Variants in CD109 observed in about 807,000 individuals in gnomAD.
The protein encoded by CD109 is CD109 molecule.
In CD109, 149 loss-of-function variants were observed where a neutral mutation model predicts 165.8. The observed-to-expected ratio is 0.90, with a 90% CI of 0.79 to 1.03. CD109 has a LOEUF of 1.03. CD109 is among the 50% of genes least tolerant of loss of function. CD109 has a pLI of 0.00. For synonymous variants in CD109, 585 were observed against 592.1 expected (o/e 0.99, Z 0.18); for missense variants, 1,712 against 1,677.8 (o/e 1.02, Z -0.36).
chr6:73,698,712 G>C (rs908724466), intron 2 of CD109, among the ~76,000 whole-genome samples: 4 of 152,068 alleles, frequency 2.6e-5, no homozygotes, highest in African/African-American at 9.7e-5. Context: ...GGAAGAGATG[G>C]TGTGTGTAGG....
chr6:73,808,053 T>C (rs755766128), intron 25 of CD109, 30 bp from the exon 26 acceptor site: 2 of 1,600,246 alleles, frequency 1.2e-6, no homozygotes, highest in Non-Finnish European at 1.7e-6. Flanking sequence ...TTACTCTGAA[T>C]AGTAAAAAAC....
chr6:73,715,468 G>A (rs1582050592), intron 2 of CD109, among the ~76,000 whole-genome samples: 1 of 151,316 alleles, frequency 6.6e-6, no homozygotes, highest in Non-Finnish European at 1.5e-5. Context: ...GGGAGGCTGA[G>A]GCAGGAAGAT....
At chr6:73,682,510 A>C in the CD109 span, among the ~76,000 whole-genome samples, 1 of 152,060 alleles carries the variant, frequency 6.6e-6, no homozygotes, top group South Asian at 2.1e-4. Context: ...GGCTGCTTTC[A>C]CTGGATGATG....
chr6:73,799,815 G>A (rs148114841), intron 23 of CD109, among the ~76,000 whole-genome samples: 83 of 150,912 alleles, frequency 5.5e-4, no homozygotes, highest in African/African-American at 1.9e-3. Flanking sequence ...CTCCTTTTGC[G>A]AAAATAAATG....
rs932143282 is a variant in CD109, at chr6:73,824,752, C to T, written c.*1119C>T. On this transcript the variant is annotated 3_prime_UTR_variant, in exon 33 of 33. Coordinates refer to ENST00000287097, the MANE Select transcript of CD109 (RefSeq NM_133493.5). ...CTCAATCTTTAATTGCCCTGTATTC[C>T]GAAGGGTAATATAATTTATCTGGAT... 4 of 152,008 alleles carry T rather than the reference C, an allele frequency of 2.6e-5. No homozygotes were observed. Among genetic ancestry groups the T allele is most frequent in the South Asian group, 2.1e-4 (1 of 4,820 alleles). The allele number at this position is 152,008 out of a possible 1,614,324, so 9.4% of individuals were successfully genotyped here.
the CD109 span, among the ~76,000 whole-genome samples, chr6:73,686,922 C>T: frequency 1.3e-5 from 2 of 152,190 alleles, no homozygotes; most frequent in African/African-American, 2.4e-5. Context: ...GAACTCCTGA[C>T]CTCAAGTGAT....
chr6:73,783,398 A>G (rs1774575978), intron 18 of CD109, among the ~76,000 whole-genome samples: 1 of 152,260 alleles, frequency 6.6e-6, no homozygotes, highest in Non-Finnish European at 1.5e-5. Flanking sequence ...GTTAAGTTTG[A>G]AAATGTGTAT....
chr6:73,816,026 T>C (rs569620648), intron 30 of CD109, among the ~76,000 whole-genome samples: 1 of 152,292 alleles, frequency 6.6e-6, no homozygotes, highest in South Asian at 2.1e-4. Flanking sequence ...TGGCAGATGT[T>C]CTTCAAGGTC....
intron 19 of CD109, 23 bp downstream of exon 19, chr6:73,783,847 A>G (rs1269643425): frequency 6.7e-6 from 9 of 1,347,432 alleles, no homozygotes; most frequent in Non-Finnish European, 9.5e-6. Flanking sequence ...AGAGCTGCTT[A>G]TCAGTATTAC....
intron 18 of CD109, 40 bp from the exon 19 acceptor site, chr6:73,783,667 C>T: frequency 8.5e-7 from 1 of 1,176,010 alleles, no homozygotes; most frequent in Non-Finnish European, 1.3e-6. Flanking sequence ...TGTATCAGTT[C>T]TTGGTTTTGT....
chr6:73,740,608 T>TC (rs1772736127), intron 5 of CD109, among the ~76,000 whole-genome samples: 2 of 134,394 alleles, frequency 1.5e-5, no homozygotes, highest in African/African-American at 5.3e-5. Flanking sequence ...TCTTTCTTTT[T>TC]TTTTTTTTTC....
In CD109 at chr6:73,828,193, T is replaced by C. The variant is rs1040098523; in HGVS notation, c.*4560T>C. On this transcript the variant is annotated 3_prime_UTR_variant, in exon 33 of 33. Coordinates refer to ENST00000287097, the MANE Select transcript of CD109 (RefSeq NM_133493.5). ...AAGGAACTAAAGCTTTATATATTGA[T>C]CAAGGTGATTCTGAAAGTTTTAATT... 32 of 154,832 alleles carry C rather than the reference T, an allele frequency of 2.1e-4. No homozygotes were observed. Among genetic ancestry groups the C allele is most frequent in the African/African-American group, 7.0e-4 (29 of 41,530 alleles). The allele number at this position is 154,832 out of a possible 1,614,324, so 9.6% of individuals were successfully genotyped here. A position where few individuals can be genotyped will look rare whatever the true frequency, so the allele number is the denominator to read the frequency against.
Position 73,696,238 on chromosome 6 carries a change from C to A in CD109, c.23C>A (p.Thr8Asn). Reference sequence around the variant, plus strand: ...GAGATGCAGGGCCCACCGCTCCTGACCGCCGCCCACCTCCTCTGCGTGTGC... The same window carrying A: ...GAGATGCAGGGCCCACCGCTCCTGAACGCCGCCCACCTCCTCTGCGTGTGC... MQGPPLL[T>N]AAHLLCVCTA... The change falls in exon 1 of 33, where the codon ACC becomes AAC. Residue 8 changes from threonine to asparagine, a missense_variant. Transcript: ENST00000287097. The A allele has an allele frequency of 1.3e-6, 2 of 1,543,966 alleles. No homozygotes were observed. Among genetic ancestry groups the A allele is most frequent in the Non-Finnish European group, 1.7e-6 (2 of 1,149,410 alleles).
chr6:73,810,073 C>T lies in CD109; in HGVS notation c.3445C>T (p.Leu1149=), dbSNP rs751715491. 6.2e-7 allele frequency: 1 copy of T among 1,610,950 alleles called. No individual in the cohort carries two copies. Among genetic ancestry groups the T allele is most frequent in the Non-Finnish European group, 8.5e-7 (1 of 1,178,936 alleles). ...GGATATTGAAGTTGCAGCCTATGCA[C>T]TGCTCTCACACTTCTTACAATTTCA... ...SLDIEVAAYA[L]LSHFLQFQTS... The change falls in exon 27 of 33, where the codon CTG becomes TTG. Residue 1149 remains leucine, a synonymous_variant. Coordinates refer to ENST00000287097, the MANE Select transcript of CD109 (RefSeq NM_133493.5).
chr6:73,802,610 T>C (rs1775408211), intron 23 of CD109, among the ~76,000 whole-genome samples: 1 of 152,020 alleles, frequency 6.6e-6, no homozygotes, highest in Non-Finnish European at 1.5e-5. Flanking sequence ...AAAGTCTGCC[T>C]TTAATTTGCT....
At chr6:73,763,086 C>A (rs1419711275) in intron 9 of CD109, among the ~76,000 whole-genome samples, 2 of 152,174 alleles carry the variant, frequency 1.3e-5, no homozygotes, top group Admixed American at 1.3e-4. Flanking sequence ...ACTACTTCAA[C>A]CACATGTGAT....
At chr6:73,733,026 A>G (rs1403587699) in intron 4 of CD109, among the ~76,000 whole-genome samples, 1 of 152,138 alleles carries the variant, frequency 6.6e-6, no homozygotes, top group Non-Finnish European at 1.5e-5. Context: ...AGTGATGCTC[A>G]AATGTGGACT....
At chr6:73,746,304 G>A (rs1295952460) in intron 5 of CD109, among the ~76,000 whole-genome samples, 1 of 152,190 alleles carries the variant, frequency 6.6e-6, no homozygotes, top group Admixed American at 6.5e-5. Context: ...GGGTGAGGGG[G>A]AAGGGGGCAC....
chr6:73,770,846 A>G (rs905631482), intron 14 of CD109, among the ~76,000 whole-genome samples: 2 of 152,192 alleles, frequency 1.3e-5, no homozygotes, highest in East Asian at 3.8e-4. Context: ...ATAAAGTATT[A>G]GTAGGTCCAG....
Sources: allele counts gnomAD v4.1 joint callset (sites outside exome capture counted in the v4.1 genomes callset), GRCh38; gene constraint gnomAD v4.1.1; transcripts MANE v1.5; gene names NCBI Gene and HGNC (gene_info 2026-07-23, HGNC 2026-07-21).